The following CRIPT variants were observed in gnomAD, a reference collection of about 807,000 sequenced individuals.
CRIPT encodes the protein CXXC repeat containing interactor of PDZ3 domain.
CRIPT carries 20 observed loss-of-function variants against 16.6 expected under a neutral mutation model. The ratio of observed to expected loss-of-function variants is 1.20; its 90% CI spans 0.85 to 1.75. The LOEUF (loss-of-function observed/expected upper bound fraction) is 1.75, where lower values mean the gene tolerates loss of function less well. Among genes scored for constraint, CRIPT ranks in the 40% most tolerant of loss-of-function variants. The pLI is 0.00. For synonymous variants in CRIPT, 42 were observed against 37.0 expected (o/e 1.14, Z -0.49); for missense variants, 133 against 115.3 (o/e 1.15, Z -0.70).
At chr2:46,624,102 T>C in intron 4 of CRIPT, 61 bp from the exon 5 acceptor site, 1 of 1,151,852 alleles carries the variant, frequency 8.7e-7, no homozygotes, top group South Asian at 2.2e-5. Context: ...GCTTCAGGAT[T>C]GACTTAAACC....
rs1671016367 is a variant in CRIPT at position 46,629,280 on chromosome 2, A to C, written c.*5053A>C. Among the ~76,000 whole-genome samples, 1 of 152,160 alleles carries C rather than the reference A, an allele frequency of 6.6e-6. No individual in the cohort carries two copies. Among genetic ancestry groups the C allele is most frequent in the Non-Finnish European group, 1.5e-5 (1 of 68,034 alleles). ...TATCCTAGAATCCTCGACCCATTAG[A>C]AAGTATATTGTAGACATCATACTCT... On this transcript the variant is annotated 3_prime_UTR_variant, in exon 5 of 5. Transcript: ENST00000238892.
intron 3 of CRIPT, among the ~76,000 whole-genome samples, chr2:46,620,663 T>G (rs1670778507): frequency 6.8e-6 from 1 of 147,926 alleles, no homozygotes; most frequent in Admixed American, 6.9e-5. Flanking sequence ...TTCAATCTAC[T>G]GGCTTTAAAT....
rs1670954608 is a variant in CRIPT, at chr2:46,627,043, G to T, written c.*2816G>T. 6.6e-6 allele frequency among the ~76,000 whole-genome samples: 1 copy of T among 152,156 alleles called. No homozygotes were observed. The highest frequency in any genetic ancestry group is 2.1e-4 in the South Asian group (1 of 4,834). On this transcript the variant is annotated 3_prime_UTR_variant, in exon 5 of 5. Coordinates refer to ENST00000238892, the MANE Select transcript of CRIPT (RefSeq NM_014171.6). The stretch of plus-strand genomic sequence containing the variant: ...AGACAGGGTTTCACCATGTTGGCCA[G>T]CCTGGTCTCGAATTCCTGACCTCAG...
At chr2:46,620,850 T>A (rs1670784753) in intron 3 of CRIPT, among the ~76,000 whole-genome samples, 1 of 151,864 alleles carries the variant, frequency 6.6e-6, no homozygotes. Flanking sequence ...GCCACTTCTT[T>A]TTCCTTCCGT....
In CRIPT at chr2:46,619,576, A is replaced by G. The variant is rs190978664; in HGVS notation, c.83-51A>G. ...CAAGGAATGAACTTCTTAATATTAT[A>G]TGTTAAATGTATAGAAATAACCCAC... On this transcript the variant is annotated intron_variant, in intron 2 of 4. Transcript: ENST00000238892. 9.5e-6 allele frequency: 12 copies of G among 1,260,938 alleles called. No homozygotes were observed. The African/African-American group carries it at 1.4e-4, about 14-fold the overall frequency. The allele number at this position is 1,260,938 out of a possible 1,614,324, so 78.1% of individuals were successfully genotyped here.
Position 46,627,498 on chromosome 2 carries a change from C to T in CRIPT, c.*3271C>T, listed in dbSNP as rs1246086144. ...TCCTTCTGTTGCCCAGGCTGGAGTA[C>T]AGTGGTACAATCTTGGCTCACCACA... On this transcript the variant is annotated 3_prime_UTR_variant, in exon 5 of 5. Transcript: ENST00000238892. Among the ~76,000 whole-genome samples the T allele has an allele frequency of 6.6e-6, 1 of 150,766 alleles. No individual in the cohort carries two copies. The highest frequency in any genetic ancestry group is 2.4e-5 in the African/African-American group (1 of 40,878).
rs1186893256 is a variant in CRIPT, at chr2:46,629,877, A to G, written c.*5650A>G. ...CAAATCTACCCCTCCTAGGTTTAGC[A>G]TCCTTTGACGATTCTTGTCTGAATA... On this transcript the variant is annotated 3_prime_UTR_variant, in exon 5 of 5. Coordinates refer to ENST00000238892, the MANE Select transcript of CRIPT (RefSeq NM_014171.6). Among the ~76,000 whole-genome samples, 2 of 152,184 alleles carry G rather than the reference A, an allele frequency of 1.3e-5. No individual in the cohort carries two copies. The highest frequency in any genetic ancestry group is 4.8e-5 in the African/African-American group (2 of 41,444).
intron 1 of CRIPT, among the ~76,000 whole-genome samples, chr2:46,617,667 T>C (rs1670698944): frequency 1.3e-5 from 2 of 152,196 alleles, no homozygotes; most frequent in African/African-American, 4.8e-5. Context: ...TCCTGCCAAA[T>C]GCTAGACACT....
chr2:46,617,564 C>A (rs549411276), intron 1 of CRIPT, among the ~76,000 whole-genome samples: 1 of 152,148 alleles, frequency 6.6e-6, no homozygotes, highest in Admixed American at 6.5e-5. Context: ...CAGCTCTCCT[C>A]CCATATAAAA....
chr2:46,621,893 T>C (rs1279488733), intron 3 of CRIPT, among the ~76,000 whole-genome samples: 1 of 152,368 alleles, frequency 6.6e-6, no homozygotes, highest in East Asian at 1.9e-4. Flanking sequence ...ACAGATTTTA[T>C]GCTTTTATAT....
rs758897566 is a variant in CRIPT, at chr2:46,624,172, C to A, written c.251C>A (p.Ala84Glu). ...QGCAYKKGIC[A>E]MCGKKVLDTK... ...TCTTCTTTTGTTTCAGGCATCTGTG[C>A]GATGTGTGGAAAAAAGGTTTTGGAT... The change falls in exon 5 of 5, where the codon GCG becomes GAG. Residue 84 changes from alanine to glutamate, a missense_variant. Ala to Glu is a moderately radical substitution (Grantham distance 107). Coordinates refer to ENST00000238892, the MANE Select transcript of CRIPT (RefSeq NM_014171.6). 1.9e-6 allele frequency: 3 copies of A among 1,578,084 alleles called. No homozygotes were observed. The highest frequency in any genetic ancestry group is 2.7e-5 in the African/African-American group (2 of 73,730).
Position 46,624,257 on chromosome 2 carries a change from A to G in CRIPT, c.*30A>G. 1 of 1,471,910 alleles carries G rather than the reference A, an allele frequency of 6.8e-7. No individual in the cohort carries two copies. The highest frequency in any genetic ancestry group is 9.2e-7 in the Non-Finnish European group (1 of 1,083,240). 91.2% of individuals were successfully genotyped at this position (1,471,910 alleles called of 1,614,324 possible). On this transcript the variant is annotated 3_prime_UTR_variant, in exon 5 of 5. Coordinates refer to ENST00000238892, the MANE Select transcript of CRIPT (RefSeq NM_014171.6). ...ATTGATGGAATTTCTGGCTTTCTAA[A>G]TGATTTTACTTTCTGCCTTGAATTT... is the stretch of plus-strand genomic sequence containing the variant.
rs2104180126 is a variant in CRIPT at position 46,626,631 on chromosome 2, T to A, written c.*2404T>A. 6.6e-6 allele frequency among the ~76,000 whole-genome samples: 1 copy of A among 152,322 alleles called. No homozygotes were observed. Among genetic ancestry groups the A allele is most frequent in the South Asian group, 2.1e-4 (1 of 4,824 alleles). ...TTCCCACAGCCTCACCAGCATCTGT[T>A]ATTTTTTTGACTTTTTGATAATAGC... On this transcript the variant is annotated 3_prime_UTR_variant, in exon 5 of 5. Transcript: ENST00000238892.
chr2:46,618,698 T>A, intron 1 of CRIPT, 75 bp from the exon 2 acceptor site: 1 of 931,256 alleles, frequency 1.1e-6, no homozygotes, highest in Non-Finnish European at 1.7e-6. Flanking sequence ...GATACCATTG[T>A]GAACCTTAGG....
chr2:46,619,807 A>G (rs1275550058), intron 3 of CRIPT, 126 bp downstream of exon 3: 2 of 642,450 alleles, frequency 3.1e-6, no homozygotes, highest in African/African-American at 1.9e-5. Flanking sequence ...CCTAGCACTC[A>G]GAACCAAGCT....
At position 46,627,407 on chromosome 2, in the gene CRIPT, A is replaced by G. The variant is rs1057392358; in HGVS notation, c.*3180A>G. 4.0e-5 allele frequency among the ~76,000 whole-genome samples: 6 copies of G among 150,590 alleles called. No homozygotes were observed. The highest frequency in any genetic ancestry group is 1.5e-4 in the African/African-American group (6 of 41,078). On this transcript the variant is annotated 3_prime_UTR_variant, in exon 5 of 5. Coordinates refer to ENST00000238892, the MANE Select transcript of CRIPT (RefSeq NM_014171.6). ...GATGTTATTTCGTAGGTTTTCTTCT[A>G]GGACTCTTATAGCTTGAAGTCTTAC...
chr2:46,619,551 C>A, intron 2 of CRIPT, 76 bp from the exon 3 acceptor site: 3 of 982,944 alleles, frequency 3.1e-6, no homozygotes, highest in South Asian at 1.8e-5. Context: ...GGTAGAAAGT[C>A]AAGGAATGAA....
chr2:46,624,053 T>C (rs1227534615), intron 4 of CRIPT, 110 bp from the exon 5 acceptor site: 2 of 521,692 alleles, frequency 3.8e-6, no homozygotes, highest in Non-Finnish European at 6.0e-6. Context: ...TTTTTTTTTC[T>C]TTTCTTTTCT....
In CRIPT at chr2:46,623,788, G is replaced by A; in HGVS notation, c.162G>A (p.Lys54=). ...GATTTGATCCATATGGAAAGAATAA[G>A]TTCTCCACTTGTAGAATTTGTAAAA... The part of the protein sequence containing the change: ...KARFDPYGKN[K]FSTCRICKSS... Residue 54 remains lysine (K), a synonymous_variant, in exon 4 of 5, where the codon AAG becomes AAA. Transcript: ENST00000238892. 2 of 1,606,924 alleles carry A rather than the reference G, an allele frequency of 1.2e-6. No individual in the cohort carries two copies. Among genetic ancestry groups the A allele is most frequent in the Non-Finnish European group, 1.7e-6 (2 of 1,175,656 alleles).
Sources: gnomAD v4.1 joint callset for allele counts (sites outside exome capture counted in the v4.1 genomes callset) on GRCh38, gnomAD v4.1.1 for gene constraint, MANE v1.5 for transcripts, NCBI Gene and HGNC (gene_info 2026-07-23, HGNC 2026-07-21) for gene names.